Variants in ANK3 observed in about 807,000 individuals in gnomAD.
ANK3 encodes the protein ankyrin-3.
A neutral mutation model predicts 370.9 loss-of-function variants in ANK3; 57 were observed. The observed-to-expected ratio is 0.15, with a 90% CI of 0.12 to 0.19. The LOEUF is 0.19. Ranked by LOEUF, ANK3 falls within the 10% of genes least tolerant of loss-of-function variation. The pLI, the probability that ANK3 is intolerant of heterozygous loss-of-function variation, is 1.00. For synonymous variants in ANK3, 1,929 were observed against 1,946.3 expected, an observed-to-expected ratio of 0.99 and a Z score of 0.23; for missense variants, 4,439 against 5,302.1, an observed-to-expected ratio of 0.84 and a Z score of 5.06.
In ANK3 at chr10:60,070,964, G is replaced by A; in HGVS notation, c.9917C>T (p.Ser3306Leu). ...GACGTCTGCCCCGGGAGGAACTGGT[G>A]AAGGTGGCTGCACTCTAATGACAGG... ...AEPVIRVQPP[S>L]PVPPGADVSD... Residue 3306 changes from serine (S) to leucine (L), a missense_variant, in exon 37 of 44, where the codon TCA becomes TTA. By Grantham distance (145) the Ser-to-Leu change is moderately radical (BLOSUM62 -2). Coordinates refer to ENST00000280772, the MANE Select transcript of ANK3 (RefSeq NM_020987.5). This position sits in a 1 kb window ranked among gnomAD's most constrained non-coding sequence, Gnocchi z 5.7. 2 of 1,614,130 alleles carry A rather than the reference G, an allele frequency of 1.2e-6. No individual in the cohort carries two copies. The highest frequency in any genetic ancestry group is 2.2e-5 in the East Asian group (1 of 44,878).
chr10:60,355,300 C>A (rs941266526), intron 1 of ANK3, among the ~76,000 whole-genome samples: 1 of 152,090 alleles, frequency 6.6e-6, no homozygotes. Context: ...AAAACCTTAT[C>A]AAAAAGTCAA....
chr10:60,657,170 C>T (rs2078875907), intron 1 of ANK3, among the ~76,000 whole-genome samples: 1 of 152,118 alleles, frequency 6.6e-6, no homozygotes, highest in Non-Finnish European at 1.5e-5. Context: ...TTCATAAAAC[C>T]ATTAGATCTC....
intron 2 of ANK3, among the ~76,000 whole-genome samples, chr10:60,489,040 T>TAA (rs1191464046): frequency 6.6e-6 from 1 of 152,216 alleles, no homozygotes; most frequent in Non-Finnish European, 1.5e-5. Flanking sequence ...TAGGCAAAAT[T>TAA]ATAGCACTTT....
Position 60,040,602 on chromosome 10 carries a change from T to C in ANK3, c.*19+2070A>G, listed in dbSNP as rs868522128. Among the ~76,000 whole-genome samples the C allele has an allele frequency of 3.9e-5, 6 of 152,352 alleles. No individual in the cohort carries two copies. The East Asian group carries it at 9.6e-4, about 24-fold the overall frequency. Reference sequence around the variant, plus strand: ...TGAGTCTGACAACTTCTTTATAGGATGATTATTTAAAATTTTAAAACTTTC... The same window carrying C: ...TGAGTCTGACAACTTCTTTATAGGACGATTATTTAAAATTTTAAAACTTTC... On this transcript the variant is annotated intron_variant, in intron 43 of 43. Transcript: ENST00000280772.
intron 1 of ANK3, among the ~76,000 whole-genome samples, chr10:60,329,851 A>T (rs1472243219): frequency 6.6e-6 from 1 of 152,216 alleles, no homozygotes; most frequent in Admixed American, 6.5e-5. Context: ...AAAAAGTACA[A>T]AGCTGAAGGC....
At chr10:60,665,520 T>G (rs2078985257) in intron 1 of ANK3, among the ~76,000 whole-genome samples, 1 of 152,200 alleles carries the variant, frequency 6.6e-6, no homozygotes, top group South Asian at 2.1e-4. Flanking sequence ...TTGAGGCTAC[T>G]ACATTGTCGT....
Position 60,055,869 on chromosome 10 carries a change from G to T in ANK3, c.12854C>A (p.Pro4285Gln), listed in dbSNP as rs768167956. ...GKQSTKETLK[P>Q]KIHGSGHVEE... The stretch of plus-strand genomic sequence containing the variant: ...AACATGACCAGATCCATGTATTTTT[G>T]GTTTCAGAGTTTCCTTGGTACTCTG... The change falls in exon 42 of 44, where the codon CCA (proline) becomes CAA (glutamine). Residue 4285 changes from proline (P) to glutamine (Q), a missense_variant. Transcript: ENST00000280772. The T allele has an allele frequency of 1.2e-6, 2 of 1,614,036 alleles. No homozygotes were observed. Among genetic ancestry groups the T allele is most frequent in the South Asian group, 2.2e-5 (2 of 91,070 alleles).
intron 2 of ANK3, among the ~76,000 whole-genome samples, chr10:60,399,614 G>A (rs887363415): frequency 2.0e-5 from 3 of 152,112 alleles, no homozygotes; most frequent in African/African-American, 7.2e-5. Flanking sequence ...CTGAACAACG[G>A]AGCTGCAGGC....
At chr10:60,374,231 C>T (rs1413342431) in intron 1 of ANK3, among the ~76,000 whole-genome samples, 1 of 152,014 alleles carries the variant, frequency 6.6e-6, no homozygotes, top group Non-Finnish European at 1.5e-5. Flanking sequence ...GGCGGGCAAC[C>T]TTAGGGGCCT....
At position 60,069,663 on chromosome 10, in the gene ANK3, C is replaced by A; in HGVS notation, c.11218G>T (p.Glu3740Ter). 6.2e-7 allele frequency: 1 copy of A among 1,614,112 alleles called. No homozygotes were observed. Among genetic ancestry groups the A allele is most frequent in the Non-Finnish European group, 8.5e-7 (1 of 1,180,006 alleles). The change falls in exon 37 of 44, where the codon GAA becomes TAA. Residue 3740 changes from glutamate to a stop codon, truncating the protein, a stop_gained. Transcript: ENST00000280772. LOFTEE classifies it high-confidence loss of function. ...ACCGCTTCTATCTTATCTGTTATTT[C>A]TCCAGGGCCTTCTTTCTTCATGGTC... The part of the protein sequence containing the change: ...TMTMKKEGPG[E>*]ITDKIEAVMT...
chr10:60,332,207 A>C (rs1177476832), intron 1 of ANK3, among the ~76,000 whole-genome samples: 1 of 152,204 alleles, frequency 6.6e-6, no homozygotes, highest in East Asian at 1.9e-4. Flanking sequence ...TGTTTCCTTA[A>C]TTTCTGATTC....
chr10:60,161,086 G>T (rs2095488343), intron 23 of ANK3, among the ~76,000 whole-genome samples: 1 of 152,106 alleles, frequency 6.6e-6, no homozygotes, highest in Admixed American at 6.6e-5. Flanking sequence ...AATTAGAAAA[G>T]AAGTAGTTAA....
At chr10:60,441,557 T>C (rs1595042147) in intron 2 of ANK3, among the ~76,000 whole-genome samples, 1 of 152,076 alleles carries the variant, frequency 6.6e-6, no homozygotes, top group Non-Finnish European at 1.5e-5. Flanking sequence ...CAACAGCAAT[T>C]ACATGGCTGG....
intron 2 of ANK3, among the ~76,000 whole-genome samples, chr10:60,469,029 GTGTATATA>G (rs1567066160): frequency 0.02 from 703 of 34,958 alleles, 149 homozygotes; most frequent in Admixed American, 0.12. Context: ...ACCACTTTTA[GTGTATATA>G]TATATATATA....
chr10:60,357,556 A>ACCTAGATCTGGC (rs11273202), intron 1 of ANK3, among the ~76,000 whole-genome samples: 109,181 of 151,800 alleles, frequency 0.72, 39,780 homozygotes, highest in South Asian at 0.9. Flanking sequence ...ATCGAGTTGC[A>ACCTAGATCTGGC]CAGTTGAATA....
chr10:60,705,824 CTTTTTTTTTTTTTT>C (rs11294932), intron 1 of ANK3, among the ~76,000 whole-genome samples: 3 of 94,512 alleles, frequency 3.2e-5, no homozygotes, highest in African/African-American at 4.3e-5. Context: ...TTTTTTCTTT[CTTTTTTTTTTTTTT>C]TTTTTGAGAC....
At chr10:60,251,414 TC>T (rs1410687650) in intron 7 of ANK3, among the ~76,000 whole-genome samples, 1 of 152,166 alleles carries the variant, frequency 6.6e-6, no homozygotes, top group Non-Finnish European at 1.5e-5. Flanking sequence ...ATCCAGCATG[TC>T]TGATGGGTGC....
At chr10:60,657,224 G>A (rs571409145) in intron 1 of ANK3, among the ~76,000 whole-genome samples, 25 of 152,222 alleles carry the variant, frequency 1.6e-4, no homozygotes, top group African/African-American at 5.5e-4. Flanking sequence ...AGAAAGATCC[G>A]CCCCCATGAT....
At chr10:60,060,083 TTA>T (rs746633836) in intron 40 of ANK3, 1 of 1,118,686 alleles carries the variant, frequency 8.9e-7, no homozygotes, top group Non-Finnish European at 1.2e-6. Context: ...ATGACTAAAA[TTA>T]TATCAGGCAT....
Sources: gnomAD v4.1 joint callset for allele counts (sites outside exome capture counted in the v4.1 genomes callset) on GRCh38, gnomAD v4.1.1 for gene constraint, Gnocchi (gnomAD v3.1) non-coding constraint, MANE v1.5 for transcripts, NCBI Gene and HGNC (gene_info 2026-07-23, HGNC 2026-07-21) for gene names.